Variants in RPTOR observed in about 807,000 individuals in gnomAD.
RPTOR encodes regulatory-associated protein of mTOR.
RPTOR carries 21 observed loss-of-function variants against 169.9 expected under a neutral mutation model. That is an observed-to-expected ratio of 0.12 (90% CI 0.09 to 0.18). The LOEUF (loss-of-function observed/expected upper bound fraction) is 0.18. RPTOR is among the 10% of genes least tolerant of loss of function. RPTOR has a pLI of 1.00. For missense variants in RPTOR, 1,133 were observed against 1,855.9 expected (o/e 0.61, Z 7.16); for synonymous variants, 732 against 753.2 (o/e 0.97, Z 0.46).
intron 20 of RPTOR, among the ~76,000 whole-genome samples, chr17:80,907,112 C>G (rs1010770546): frequency 1.3e-5 from 2 of 152,250 alleles, no homozygotes; most frequent in Non-Finnish European, 2.9e-5. Flanking sequence ...AAACCCACTC[C>G]ACGTGCGCAG....
intron 9 of RPTOR, among the ~76,000 whole-genome samples, chr17:80,830,773 C>T (rs1212199731): frequency 6.8e-6 from 1 of 147,746 alleles, no homozygotes; most frequent in Non-Finnish European, 1.5e-5. Context: ...TTTTCGGAGG[C>T]GGGGTCTCGC....
intron 3 of RPTOR, among the ~76,000 whole-genome samples, chr17:80,669,001 C>T (rs578177921): frequency 4.7e-4 from 71 of 152,164 alleles, no homozygotes; most frequent in Non-Finnish European, 7.4e-4. Flanking sequence ...GCTTCTCACA[C>T]CACAGAGGCT....
intron 1 of RPTOR, among the ~76,000 whole-genome samples, chr17:80,617,627 T>G (rs9909241): frequency 0.32 from 48,441 of 152,074 alleles, 7,971 homozygotes; most frequent in African/African-American, 0.39. Flanking sequence ...AGATCACGTA[T>G]TTTTGCTCTG....
At chr17:80,643,884 T>C (rs1168390319) in intron 3 of RPTOR, 74 bp downstream of exon 3, 5 of 1,174,132 alleles carry the variant, frequency 4.3e-6, no homozygotes, top group Non-Finnish European at 6.2e-6. Flanking sequence ...CAACACTCTT[T>C]GGATCCAAGT....
At chr17:80,553,017 A>T (rs2084364160) in intron 1 of RPTOR, among the ~76,000 whole-genome samples, 1 of 152,208 alleles carries the variant, frequency 6.6e-6, no homozygotes, top group African/African-American at 2.4e-5. Context: ...AACTGTTTTC[A>T]TAATAATGGA....
chr17:80,770,127 G>A (rs1237733129), intron 6 of RPTOR, among the ~76,000 whole-genome samples: 3 of 152,352 alleles, frequency 2.0e-5, no homozygotes, highest in Non-Finnish European at 2.9e-5. Flanking sequence ...TCGAGGTGGC[G>A]TCTTTTCCCG....
intron 6 of RPTOR, among the ~76,000 whole-genome samples, chr17:80,763,567 C>T (rs371655548): frequency 1.3e-5 from 2 of 152,222 alleles, no homozygotes; most frequent in African/African-American, 4.8e-5. Flanking sequence ...ACACCAAGTA[C>T]AGACAAAGGA....
chr17:80,787,397 T>C lies in RPTOR; in HGVS notation c.831-4053T>C, dbSNP rs79177071. On this transcript the variant is annotated intron_variant, in intron 6 of 33. Coordinates refer to ENST00000306801, the MANE Select transcript of RPTOR (RefSeq NM_020761.3). ...TACTCCTTAATGGACACTTGAGCTT[T>C]TTCAGCTTCTTCCTTTATTTGTTTG... 8.1e-3 allele frequency among the ~76,000 whole-genome samples: 1,234 copies of C among 152,342 alleles called. 20 individuals are homozygous for C. The highest frequency in any genetic ancestry group is 0.029 in the African/African-American group (1,189 of 41,572).
chr17:80,807,652 A>AT (rs2067233179), intron 7 of RPTOR, among the ~76,000 whole-genome samples: 1 of 151,686 alleles, frequency 6.6e-6, no homozygotes, highest in Non-Finnish European at 1.5e-5. Flanking sequence ...GTGCCCGGCC[A>AT]AGCCCCTTTT....
intron 9 of RPTOR, among the ~76,000 whole-genome samples, chr17:80,826,100 C>T (rs2067439970): frequency 6.6e-6 from 1 of 152,130 alleles, no homozygotes; most frequent in African/African-American, 2.4e-5. Context: ...ATAGGCCACC[C>T]AGAAGAGGGC....
intron 21 of RPTOR, among the ~76,000 whole-genome samples, chr17:80,919,989 C>G (rs1212408378): frequency 6.6e-6 from 1 of 152,214 alleles, no homozygotes; most frequent in Non-Finnish European, 1.5e-5. Context: ...CTGTGCGGGC[C>G]GCACTCAGCC....
At chr17:80,547,850 G>A (rs181890150) in intron 1 of RPTOR, among the ~76,000 whole-genome samples, 1 of 152,256 alleles carries the variant, frequency 6.6e-6, no homozygotes, top group Admixed American at 6.5e-5. Context: ...CTGACATTTG[G>A]CACAGTGTGT....
intron 9 of RPTOR, among the ~76,000 whole-genome samples, chr17:80,836,084 C>T (rs2138116): frequency 0.49 from 74,404 of 151,642 alleles, 20,426 homozygotes; most frequent in Non-Finnish European, 0.61. Flanking sequence ...GCGCCCAGAG[C>T]CCCAGAGCCA....
intron 19 of RPTOR, 140 bp from the exon 20 acceptor site, chr17:80,893,567 T>C: frequency 9.7e-7 from 1 of 1,026,722 alleles, no homozygotes; most frequent in Non-Finnish European, 1.4e-6. Flanking sequence ...CACCAGGGTG[T>C]GTGTGTACCA....
intron 2 of RPTOR, among the ~76,000 whole-genome samples, chr17:80,629,831 G>A (rs1402080119): frequency 6.6e-6 from 1 of 151,152 alleles, no homozygotes; most frequent in Non-Finnish European, 1.5e-5. Context: ...TATGTTTTGT[G>A]CTGTTGGACA....
intron 6 of RPTOR, among the ~76,000 whole-genome samples, chr17:80,781,819 T>G (rs2066944946): frequency 6.6e-6 from 1 of 152,228 alleles, no homozygotes; most frequent in Non-Finnish European, 1.5e-5. Context: ...GAGGGACTTT[T>G]GTTTGCGTCT....
intron 3 of RPTOR, among the ~76,000 whole-genome samples, chr17:80,669,390 T>A (rs2065804947): frequency 6.6e-6 from 1 of 152,260 alleles, no homozygotes; most frequent in African/African-American, 2.4e-5. Flanking sequence ...TAGTTCATTC[T>A]TTCTTTTTTT....
chr17:80,824,785 T>TAA, intron 9 of RPTOR, among the ~76,000 whole-genome samples: 1 of 152,210 alleles, frequency 6.6e-6, no homozygotes, highest in Non-Finnish European at 1.5e-5. Context: ...TCTCCAGATG[T>TAA]AAAAGCACCT....
At chr17:80,846,671 C>G in intron 11 of RPTOR, 97 bp downstream of exon 11, 1 of 979,522 alleles carries the variant, frequency 1.0e-6, no homozygotes. Context: ...TCCCTGAGCC[C>G]TGTGGGTCTG....
Sources: allele counts gnomAD v4.1 joint callset (sites outside exome capture counted in the v4.1 genomes callset), GRCh38; gene constraint gnomAD v4.1.1; transcripts MANE v1.5; gene names NCBI Gene and HGNC (gene_info 2026-07-23, HGNC 2026-07-21).